The following ADGRL3 variants were observed in gnomAD, a reference collection of about 807,000 sequenced individuals.
ADGRL3 encodes adhesion G protein-coupled receptor L3.
In ADGRL3, 62 loss-of-function variants were observed where a neutral mutation model predicts 153.5. The ratio of observed to expected loss-of-function variants is 0.40; its 90% CI spans 0.33 to 0.50. The LOEUF is 0.50. ADGRL3 is among the 20% of genes least tolerant of loss of function. The pLI, the probability that ADGRL3 is intolerant of heterozygous loss-of-function variation, is 0.47. For missense variants in ADGRL3, 1,641 were observed against 1,859.4 expected, an observed-to-expected ratio of 0.88 and a Z score of 2.16; for synonymous variants, 710 against 672.5, an observed-to-expected ratio of 1.06 and a Z score of -0.86.
intron 8 of ADGRL3, among the ~76,000 whole-genome samples, chr4:61,776,059 C>A (rs945627245): frequency 6.6e-6 from 1 of 152,084 alleles, no homozygotes; most frequent in African/African-American, 2.4e-5. Flanking sequence ...CGCCACCACA[C>A]CCGGCTAATT....
At chr4:61,255,168 AT>A (rs1488731259) in intron 1 of ADGRL3, among the ~76,000 whole-genome samples, 1 of 152,172 alleles carries the variant, frequency 6.6e-6, no homozygotes, top group African/African-American at 2.4e-5. Context: ...GTTGGTTGAT[AT>A]CCCGTTGTTC....
At chr4:62,018,069 A>T (rs756525084) in intron 21 of ADGRL3, among the ~76,000 whole-genome samples, 6 of 152,112 alleles carry the variant, frequency 3.9e-5, no homozygotes, top group Non-Finnish European at 8.8e-5. Flanking sequence ...TTCCTGAAAA[A>T]TTTCACTGTT....
At position 61,837,238 on chromosome 4, in the gene ADGRL3, T is replaced by A. The variant is rs142276237; in HGVS notation, c.1480+23349T>A. On this transcript the variant is annotated intron_variant, in intron 9 of 26. Coordinates refer to ENST00000683033, the MANE Select transcript of ADGRL3 (RefSeq NM_001387552.1). ...AGGAAAAACTTTTCTTCTACCCACCTAGGTCTTATTCTAAGAGGTCTACAA... is the reference window on the plus strand; with the variant it reads ...AGGAAAAACTTTTCTTCTACCCACCAAGGTCTTATTCTAAGAGGTCTACAA... 2.5e-3 allele frequency among the ~76,000 whole-genome samples: 388 copies of A among 152,220 alleles called. 1 individual carries two copies. The highest frequency in any genetic ancestry group is 8.9e-3 in the African/African-American group (370 of 41,556).
At chr4:61,222,961 A>G (rs1355583382) in intron 1 of ADGRL3, among the ~76,000 whole-genome samples, 1 of 152,184 alleles carries the variant, frequency 6.6e-6, no homozygotes, top group Non-Finnish European at 1.5e-5. Flanking sequence ...GAAAACCACT[A>G]TGAGCTGTAG....
chr4:61,864,606 G>T (rs1016645785), intron 9 of ADGRL3, among the ~76,000 whole-genome samples: 1 of 152,174 alleles, frequency 6.6e-6, no homozygotes, highest in Admixed American at 6.5e-5. Flanking sequence ...GCTGGCTTTA[G>T]AAGGACAGAA....
At chr4:61,720,595 G>A (rs9998713) in intron 6 of ADGRL3, among the ~76,000 whole-genome samples, 107,195 of 152,070 alleles carry the variant, frequency 0.7, 38,802 homozygotes, top group East Asian at 0.93. Flanking sequence ...TCTTTAATCA[G>A]TGGAGATATT....
rs556382690 is a variant in ADGRL3, at chr4:61,517,444, G to C, written c.185G>C (p.Arg62Pro). The C allele has an allele frequency of 1.0e-4, 83 of 800,854 alleles. No individual in the cohort carries two copies. The South Asian group carries it at 1.2e-3, about 11-fold the overall frequency. 49.6% of individuals were successfully genotyped at this position (800,854 alleles called of 1,614,324 possible). A position where few individuals can be genotyped will look rare whatever the true frequency, so the allele number is the denominator to read the frequency against. ...GCTGCAGAGCGCACCGCTGCTCATC[G>C]TGGACAAGGGCCCCGTGGAGCTACC... is the stretch of plus-strand genomic sequence containing the variant. ...QPAAERTAAH[R>P]GQGPRGATRG... is the part of the protein sequence containing the mutation. Residue 62 changes from arginine to proline, a missense_variant, in exon 4 of 27, where the codon CGT becomes CCT. Coordinates refer to ENST00000683033, the MANE Select transcript of ADGRL3 (RefSeq NM_001387552.1).
At chr4:61,471,595 G>A (rs1182570747) in intron 2 of ADGRL3, among the ~76,000 whole-genome samples, 1 of 151,748 alleles carries the variant, frequency 6.6e-6, no homozygotes, top group East Asian at 1.9e-4. Flanking sequence ...AGTGTCTTCT[G>A]AGGCAAATTC....
intron 5 of ADGRL3, among the ~76,000 whole-genome samples, chr4:61,639,801 A>G (rs565373828): frequency 2.6e-4 from 40 of 152,292 alleles, no homozygotes; most frequent in African/African-American, 8.4e-4. Flanking sequence ...TTCAACTTCA[A>G]TCATATAGCC....
At chr4:61,877,299 C>G (rs1405122711) in intron 9 of ADGRL3, among the ~76,000 whole-genome samples, 1 of 152,090 alleles carries the variant, frequency 6.6e-6, no homozygotes, top group African/African-American at 2.4e-5. Flanking sequence ...TCAATGGTTC[C>G]CTGCTGTATG....
chr4:61,716,508 G>C (rs1020937925), intron 6 of ADGRL3, among the ~76,000 whole-genome samples: 5 of 152,136 alleles, frequency 3.3e-5, no homozygotes, highest in African/African-American at 1.2e-4. Context: ...AGCGAAATGA[G>C]TTTGCTCCAT....
At chr4:61,850,207 A>G (rs1299023527) in intron 9 of ADGRL3, among the ~76,000 whole-genome samples, 1 of 152,086 alleles carries the variant, frequency 6.6e-6, no homozygotes, top group Admixed American at 6.6e-5. Context: ...ATCTTATGCT[A>G]CTTATCTCCT....
intron 1 of ADGRL3, among the ~76,000 whole-genome samples, chr4:61,355,159 A>G (rs2096139140): frequency 6.6e-6 from 1 of 152,090 alleles, no homozygotes; most frequent in African/African-American, 2.4e-5. Context: ...CTCATATTAA[A>G]ATTTGGCAAA....
At chr4:61,745,417 C>A (rs1054806665) in intron 8 of ADGRL3, among the ~76,000 whole-genome samples, 1 of 152,002 alleles carries the variant, frequency 6.6e-6, no homozygotes, top group Non-Finnish European at 1.5e-5. Flanking sequence ...TCAGATTCAC[C>A]AAAGTTGAAA....
chr4:61,968,057 A>G (rs1248034232), intron 17 of ADGRL3, among the ~76,000 whole-genome samples: 1 of 152,214 alleles, frequency 6.6e-6, no homozygotes, highest in Admixed American at 6.6e-5. Context: ...TCATTAGGGC[A>G]GAGCCCTCAT....
At chr4:61,444,675 A>G (rs1416704271) in intron 2 of ADGRL3, among the ~76,000 whole-genome samples, 2 of 152,080 alleles carry the variant, frequency 1.3e-5, no homozygotes, top group Non-Finnish European at 2.9e-5. Flanking sequence ...TGGTGGAATT[A>G]CTTATTGTTA....
chr4:61,589,744 T>C (rs17239080), intron 5 of ADGRL3, among the ~76,000 whole-genome samples: 91,439 of 151,842 alleles, frequency 0.6, 29,429 homozygotes, highest in African/African-American at 0.84. Context: ...AGACAGATGT[T>C]CTAGGCAAGG....
intron 4 of ADGRL3, among the ~76,000 whole-genome samples, chr4:61,581,318 T>TA (rs1189952422): frequency 7.2e-5 from 11 of 152,022 alleles, no homozygotes; most frequent in Admixed American, 2.0e-4. Context: ...ACGTGCACGG[T>TA]AGCTGTACAT....
intron 2 of ADGRL3, among the ~76,000 whole-genome samples, chr4:61,394,373 A>T (rs913981701): frequency 1.3e-5 from 2 of 152,082 alleles, no homozygotes; most frequent in Non-Finnish European, 2.9e-5. Context: ...AAAATCTGAG[A>T]TGGATGGCTG....
Sources: allele counts gnomAD v4.1 joint callset (sites outside exome capture counted in the v4.1 genomes callset), GRCh38; gene constraint gnomAD v4.1.1; transcripts MANE v1.5; gene names NCBI Gene and HGNC (gene_info 2026-07-23, HGNC 2026-07-21).